PHYHIPL: variants seen among roughly 807,000 people sequenced by gnomAD.
PHYHIPL encodes phytanoyl-CoA 2-hydroxylase interacting protein like.
PHYHIPL carries 9 observed loss-of-function variants against 33.4 expected under a neutral mutation model. The ratio of observed to expected loss-of-function variants is 0.27; its 90% CI spans 0.16 to 0.47. The LOEUF (loss-of-function observed/expected upper bound fraction) is 0.47, where lower values mean the gene tolerates loss of function less well. Ranked by LOEUF, PHYHIPL falls within the 20% of genes least tolerant of loss-of-function variation. The probability of loss-of-function intolerance (pLI) is 0.99; values close to 1 mark genes in which losing one functional copy is unlikely to be tolerated. For missense variants in PHYHIPL, 365 were observed against 460.7 expected (o/e 0.79, Z 1.90); for synonymous variants, 153 against 154.1 (o/e 0.99, Z 0.05).
chr10:59,209,374 A>T (rs949823712), intron 1 of PHYHIPL, among the ~76,000 whole-genome samples: 1 of 152,188 alleles, frequency 6.6e-6, no homozygotes, highest in African/African-American at 2.4e-5. Flanking sequence ...AGAGAAGCAA[A>T]TGCTGAGAGA....
At chr10:59,177,305 T>A (rs7900101) in intron 1 of PHYHIPL, 1 of 662,110 alleles carries the variant, frequency 1.5e-6, no homozygotes, top group Non-Finnish European at 2.4e-6. Context: ...CCTGGGTCTC[T>A]GGGCACTGAA....
intron 1 of PHYHIPL, among the ~76,000 whole-genome samples, chr10:59,230,848 G>C (rs1007662779): frequency 6.6e-5 from 10 of 152,064 alleles, no homozygotes; most frequent in African/African-American, 1.9e-4. Context: ...ATCATAGGTA[G>C]ATTTAAAATT....
chr10:59,198,268 G>C (rs941329967), intron 1 of PHYHIPL, among the ~76,000 whole-genome samples: 1 of 149,444 alleles, frequency 6.7e-6, no homozygotes, highest in Non-Finnish European at 1.5e-5. Flanking sequence ...TGTTCTCATT[G>C]TTCAATTCCC....
intron 1 of PHYHIPL, among the ~76,000 whole-genome samples, chr10:59,178,830 C>T (rs984306256): frequency 1.3e-5 from 2 of 152,058 alleles, no homozygotes; most frequent in Non-Finnish European, 2.9e-5. Context: ...TTAGTTGTTT[C>T]TTTTCAAATT....
Position 59,236,615 on chromosome 10 carries a change from G to T in PHYHIPL, c.436G>T (p.Val146Phe), listed in dbSNP as rs1163154932. 2.2e-5 allele frequency: 35 copies of T among 1,609,892 alleles called. No homozygotes were observed. Among genetic ancestry groups the T allele is most frequent in the Non-Finnish European group, 2.6e-5 (31 of 1,177,746 alleles). ...TASKQVDGDYVVSEWSEIIEF... is the reference protein window; with the variant it reads ...TASKQVDGDYFVSEWSEIIEF... ...CTCAAAACAAGTTGATGGTGATTATGTTGTGTCTGAATGGAGTGAAATTAT... is the reference window on the plus strand; with the variant it reads ...CTCAAAACAAGTTGATGGTGATTATTTTGTGTCTGAATGGAGTGAAATTAT... The change falls in exon 3 of 5, where the codon GTT (valine) becomes TTT (phenylalanine). Residue 146 changes from valine to phenylalanine, a missense_variant. By Grantham distance (50) the Val-to-Phe change is conservative. Transcript: ENST00000373880.
chr10:59,216,375 A>G (rs1197813870), intron 1 of PHYHIPL, among the ~76,000 whole-genome samples: 1 of 152,094 alleles, frequency 6.6e-6, no homozygotes, highest in Non-Finnish European at 1.5e-5. Context: ...GATCCTGTTC[A>G]GTTTCTTTGT....
chr10:59,204,435 C>T (rs531002633), intron 1 of PHYHIPL, among the ~76,000 whole-genome samples: 50 of 152,230 alleles, frequency 3.3e-4, no homozygotes, highest in African/African-American at 1.1e-3. Flanking sequence ...TTTAACAGAA[C>T]CCTTTTTTGT....
intron 1 of PHYHIPL, among the ~76,000 whole-genome samples, chr10:59,196,405 C>T (rs1838917459): frequency 6.7e-6 from 1 of 149,484 alleles, no homozygotes; most frequent in African/African-American, 2.5e-5. Context: ...CTTATGAGTA[C>T]ACTGTCAACA....
intron 1 of PHYHIPL, among the ~76,000 whole-genome samples, chr10:59,207,664 A>T (rs148079664): frequency 6.2e-4 from 94 of 152,236 alleles, no homozygotes; most frequent in African/African-American, 2.2e-3. Context: ...GGCCAAGGCC[A>T]GCGGATCATG....
At chr10:59,183,193 T>C (rs898124853) in intron 1 of PHYHIPL, among the ~76,000 whole-genome samples, 1 of 152,088 alleles carries the variant, frequency 6.6e-6, no homozygotes, top group Admixed American at 6.6e-5. Context: ...CTGATGATAA[T>C]ACTGTGAGAA....
intron 1 of PHYHIPL, among the ~76,000 whole-genome samples, chr10:59,184,551 TC>T (rs1203414557): frequency 2.0e-5 from 3 of 152,106 alleles, no homozygotes; most frequent in Non-Finnish European, 4.4e-5. Context: ...GTAAGTTAGT[TC>T]TGTATGGAGT....
At chr10:59,225,686 A>G (rs1309523041) in intron 1 of PHYHIPL, among the ~76,000 whole-genome samples, 1 of 151,368 alleles carries the variant, frequency 6.6e-6, no homozygotes, top group African/African-American at 2.4e-5. Context: ...GTGATTCTCC[A>G]TATCTCTAGT....
At chr10:59,235,804 C>G (rs1046188837) in intron 2 of PHYHIPL, among the ~76,000 whole-genome samples, 4 of 151,854 alleles carry the variant, frequency 2.6e-5, no homozygotes, top group African/African-American at 9.7e-5. Flanking sequence ...AATCACTTTA[C>G]TAAGCATTTT....
At chr10:59,183,550 A>G (rs1380157862) in intron 1 of PHYHIPL, 4 of 468,152 alleles carry the variant, frequency 8.5e-6, no homozygotes, top group South Asian at 9.0e-5. Context: ...TGTGCTTTGT[A>G]TCTCACCCTT....
intron 1 of PHYHIPL, among the ~76,000 whole-genome samples, chr10:59,207,406 C>T (rs968749577): frequency 1.3e-5 from 2 of 152,192 alleles, no homozygotes; most frequent in Admixed American, 1.3e-4. Flanking sequence ...CCCCATACTA[C>T]ACTTTTCCCA....
At chr10:59,193,152 C>T (rs2452517) in intron 1 of PHYHIPL, among the ~76,000 whole-genome samples, 6,989 of 152,044 alleles carry the variant, frequency 0.046, 440 homozygotes, top group African/African-American at 0.14. Context: ...CTTTTGTGTA[C>T]ATGTGTGGTG....
chr10:59,229,678 AAAAT>A (rs1589291255), intron 1 of PHYHIPL, among the ~76,000 whole-genome samples: 1 of 152,198 alleles, frequency 6.6e-6, no homozygotes, highest in African/African-American at 2.4e-5. Flanking sequence ...ATAGACAAAA[AAAAT>A]AAATAAATAA....
intron 1 of PHYHIPL, among the ~76,000 whole-genome samples, chr10:59,201,408 C>T (rs1021496528): frequency 3.3e-5 from 5 of 152,146 alleles, no homozygotes; most frequent in African/African-American, 1.2e-4. Flanking sequence ...TTTGATTGCA[C>T]TGTGGTCTGA....
intron 1 of PHYHIPL, among the ~76,000 whole-genome samples, chr10:59,229,953 A>G (rs1032590245): frequency 4.6e-5 from 7 of 152,216 alleles, no homozygotes; most frequent in African/African-American, 1.7e-4. Context: ...TTCTCAGGCC[A>G]TATTTAGTTT....
Sources: allele counts gnomAD v4.1 joint callset (sites outside exome capture counted in the v4.1 genomes callset), GRCh38; gene constraint gnomAD v4.1.1; transcripts MANE v1.5; gene names NCBI Gene and HGNC (gene_info 2026-07-23, HGNC 2026-07-21).